The following TBL3 variants were observed in gnomAD, a reference collection of about 807,000 sequenced individuals.
TBL3 encodes the protein transducin beta-like protein 3.
A neutral mutation model predicts 102.7 loss-of-function variants in TBL3; 71 were observed. That is an observed-to-expected ratio of 0.69 (90% CI 0.57 to 0.84). The LOEUF is 0.84. Ranked by LOEUF, TBL3 falls within the 40% of genes least tolerant of loss-of-function variation. TBL3 has a pLI of 0.00. For missense variants in TBL3, 1,188 were observed against 1,098.5 expected, an observed-to-expected ratio of 1.08 and a Z score of -1.15; for synonymous variants, 578 against 477.7, an observed-to-expected ratio of 1.21 and a Z score of -2.74.
rs1291848000 is a variant in TBL3, at chr16:1,974,825, C to G, written c.442C>G (p.Arg148Gly). The G allele has an allele frequency of 1.2e-6, 2 of 1,613,306 alleles. No individual in the cohort carries two copies. Among genetic ancestry groups the G allele is most frequent in the South Asian group, 2.2e-5 (2 of 91,086 alleles). Residue 148 changes from arginine (R) to glycine (G), a missense_variant, in exon 6 of 22, where the codon CGA becomes GGA. Coordinates refer to ENST00000568546, the MANE Select transcript of TBL3 (RefSeq NM_006453.3). ...IVRHYGTHHF[R>G]GSPGVVHLVA... ...GCGGCACTACGGGACACACCACTTC[C>G]GAGGCTCGCCCGGTGTCGTGCAGTG...
Position 1,975,642 on chromosome 16 carries a change from GTCC to G in TBL3, c.922_924del (p.Leu308del). ...CACCCTGGCACACACCGCCGGCGTG[GTCC>G]TCACCGCCACCGCCGACCACAACCT... On this transcript the variant is annotated inframe_deletion, in exon 10 of 22. Coordinates refer to ENST00000568546, the MANE Select transcript of TBL3 (RefSeq NM_006453.3). The G allele has an allele frequency of 6.2e-7, 1 of 1,605,690 alleles. No individual in the cohort carries two copies.
Position 1,979,812 on chromosome 16 carries a change from T to TC in TBL3, c.*1130dup. ...TACCGCTGCTCCCTAGGGACGGGCC[T>TC]CCCTCCCGGCCTTGGCCCGGGGCCG... On this transcript the variant is annotated 3_prime_UTR_variant, in exon 22 of 22. Transcript: ENST00000568546. 1.3e-6 allele frequency: 2 copies of TC among 1,561,608 alleles called. No homozygotes were observed. Among genetic ancestry groups the TC allele is most frequent in the Non-Finnish European group, 1.7e-6 (2 of 1,155,058 alleles).
rs769854630 is a variant in TBL3, at chr16:1,974,521, C to T, written c.238-17C>T. The T allele has an allele frequency of 1.9e-6, 3 of 1,597,224 alleles. No individual in the cohort carries two copies. The highest frequency in any genetic ancestry group is 2.6e-6 in the Non-Finnish European group (3 of 1,169,500). ...CAGGGTATTGCTGCCCCTCTGCTGA[C>T]CTGTACCCTCCCCCAGGTGCTGGTG... On this transcript the variant is annotated splice_polypyrimidine_tract_variant and intron_variant, in intron 4 of 21. Transcript: ENST00000568546.
At position 1,979,344 on chromosome 16, in the gene TBL3, C is replaced by A; in HGVS notation, c.*659C>A. On this transcript the variant is annotated 3_prime_UTR_variant, in exon 22 of 22. Transcript: ENST00000568546. ...CGCGGGGAGTAGGCCCGCCCGGTCG[C>A]CGTACCTGCGAGGGGCGGGGTGTGG... 6.3e-7 allele frequency: 1 copy of A among 1,578,622 alleles called. No homozygotes were observed. The highest frequency in any genetic ancestry group is 1.7e-5 in the Admixed American group (1 of 57,840).
rs533248826 is a variant in TBL3, at chr16:1,974,780, G to C, written c.397G>C (p.Val133Leu). 3 of 1,612,938 alleles carry C rather than the reference G, an allele frequency of 1.9e-6. No homozygotes were observed. Among genetic ancestry groups the C allele is most frequent in the East Asian group, 2.2e-5 (1 of 44,880 alleles). ...LLATGGCDGA[V>L]RVWDIVRHYG... ...CCCCGCAGGTGGCTGTGATGGGGCC[G>C]TGCGCGTCTGGGACATCGTGCGGCA... The change falls in exon 6 of 22, where the codon GTG becomes CTG. Residue 133 changes from valine (V) to leucine (L), a missense_variant. Physicochemically the swap from Val to Leu is conservative, Grantham distance 32. Transcript: ENST00000568546.
rs1449898283 is a variant in TBL3 at position 1,974,632 on chromosome 16, C to T, written c.332C>T (p.Pro111Leu). The T allele has an allele frequency of 2.5e-6, 4 of 1,610,134 alleles. No individual in the cohort carries two copies. Among genetic ancestry groups the T allele is most frequent in the Non-Finnish European group, 3.4e-6 (4 of 1,177,572 alleles). The change falls in exon 5 of 22, where the codon CCC becomes CTC. Residue 111 changes from proline (P) to leucine (L), a missense_variant. Transcript: ENST00000568546. The stretch of plus-strand genomic sequence containing the variant: ...CTGTGGAAGGCGATACACACGGCCC[C>T]CGTGGCCACCATGGCCTTCGACCCC... ...TRLWKAIHTA[P>L]VATMAFDPTS...
rs762487435 is a variant in TBL3, at chr16:1,979,842, C to T, written c.*1157C>T. On this transcript the variant is annotated 3_prime_UTR_variant, in exon 22 of 22. Coordinates refer to ENST00000568546, the MANE Select transcript of TBL3 (RefSeq NM_006453.3). ...CCCGGCCTTGGCCCGGGGCCGCCTCCTCCAGGTAGGGCGCTGGAAACCAGG... is the reference window on the plus strand; with the variant it reads ...CCCGGCCTTGGCCCGGGGCCGCCTCTTCCAGGTAGGGCGCTGGAAACCAGG... 4.4e-6 allele frequency: 7 copies of T among 1,578,912 alleles called. No homozygotes were observed. Among genetic ancestry groups the T allele is most frequent in the Non-Finnish European group, 6.0e-6 (7 of 1,163,722 alleles).
intron 4 of TBL3, 43 bp from the exon 5 acceptor site, chr16:1,974,495 G>A: frequency 1.3e-6 from 2 of 1,584,840 alleles, no homozygotes; most frequent in Middle Eastern, 1.7e-4. Flanking sequence ...GAAGATGTGA[G>A]CAGGGTATTG....
chr16:1,973,888 GC>G (rs914247210), intron 1 of TBL3, among the ~76,000 whole-genome samples, 167 bp from the exon 2 acceptor site: 1 of 152,194 alleles, frequency 6.6e-6, no homozygotes, highest in African/African-American at 2.4e-5. Context: ...GGTAGCTACA[GC>G]CCCCTGCAGT....
At chr16:1,973,384 C>G (rs2083374808) in intron 1 of TBL3, among the ~76,000 whole-genome samples, 1 of 152,074 alleles carries the variant, frequency 6.6e-6, no homozygotes, top group African/African-American at 2.4e-5. Flanking sequence ...GAGCTGAGAT[C>G]GTGCCACTGC....
In TBL3 at chr16:1,974,587, A is replaced by G. The variant is rs1334593417; in HGVS notation, c.287A>G (p.Gln96Arg). ...RALLLAQWAW[Q>R]EGSVTRLWKA... ...TTGCTGCTGGCTCAGTGGGCCTGGC[A>G]AGAGGGCAGCGTTACCCGCCTGTGG... The change falls in exon 5 of 22, where the codon CAA (glutamine) becomes CGA (arginine). Residue 96 changes from glutamine to arginine, a missense_variant. By Grantham distance (43) the Gln-to-Arg change is conservative. Transcript: ENST00000568546. 1 of 1,611,432 alleles carries G rather than the reference A, an allele frequency of 6.2e-7. No homozygotes were observed. The highest frequency in any genetic ancestry group is 1.1e-5 in the South Asian group (1 of 90,968).
At position 1,979,369 on chromosome 16, in the gene TBL3, G is replaced by C; in HGVS notation, c.*684G>C. 1 of 1,587,262 alleles carries C rather than the reference G, an allele frequency of 6.3e-7. No homozygotes were observed. The highest frequency in any genetic ancestry group is 8.5e-7 in the Non-Finnish European group (1 of 1,173,092). ...CCGTACCTGCGAGGGGCGGGGTGTG[G>C]TTAGGGCCCCGCCCGCCTCGGCTAG... On this transcript the variant is annotated 3_prime_UTR_variant, in exon 22 of 22. Transcript: ENST00000568546.
At position 1,981,842 on chromosome 16, in the gene TBL3, C is replaced by G. The variant is rs577371337; in HGVS notation, c.*3157C>G. On this transcript the variant is annotated 3_prime_UTR_variant, in exon 22 of 22. Coordinates refer to ENST00000568546, the MANE Select transcript of TBL3 (RefSeq NM_006453.3). ...GGGAGGGGCAGACCTCACAGGCTCA[C>G]CCCAGGGGTTCCCCTGCAGTGAGGA... The G allele has an allele frequency of 6.6e-6, 1 of 152,486 alleles. No individual in the cohort carries two copies. Among genetic ancestry groups the G allele is most frequent in the Non-Finnish European group, 1.5e-5 (1 of 68,286 alleles). 9.4% of individuals were successfully genotyped at this position (152,486 alleles called of 1,614,324 possible).
chr16:1,978,285 A>G (rs1383288790), intron 20 of TBL3, 28 bp from the exon 21 acceptor site: 25 of 1,611,016 alleles, frequency 1.6e-5, no homozygotes, highest in Middle Eastern at 3.3e-4. Flanking sequence ...TTGGCTGGGC[A>G]AGACGATGAG....
Position 1,980,477 on chromosome 16 carries a change from G to T in TBL3, c.*1792G>T. 1.2e-6 allele frequency: 2 copies of T among 1,602,558 alleles called. No individual in the cohort carries two copies. The highest frequency in any genetic ancestry group is 2.2e-5 in the South Asian group (2 of 91,060). On this transcript the variant is annotated 3_prime_UTR_variant, in exon 22 of 22. Transcript: ENST00000568546. ...CAGTCGCCAGCAGCCTCCGAGAATA[G>T]GTTTCCAACAGCTGCAGGCGCGCCA...
intron 4 of TBL3, 51 bp downstream of exon 4, chr16:1,974,474 A>T: frequency 6.3e-7 from 1 of 1,589,138 alleles, no homozygotes; most frequent in Non-Finnish European, 8.6e-7. Flanking sequence ...TCCCTCCCAG[A>T]CTGAGTCCAG....
rs1215764052 is a variant in TBL3, at chr16:1,981,389, C to CA, written c.*2705dup. The CA allele has an allele frequency of 1.5e-6, 2 of 1,294,638 alleles. No homozygotes were observed. Among genetic ancestry groups the CA allele is most frequent in the East Asian group, 5.1e-5 (2 of 39,190 alleles). The allele number at this position is 1,294,638 out of a possible 1,614,324, so 80.2% of individuals were successfully genotyped here. On this transcript the variant is annotated 3_prime_UTR_variant, in exon 22 of 22. Coordinates refer to ENST00000568546, the MANE Select transcript of TBL3 (RefSeq NM_006453.3). ...AGCCCACGATCTGGGGGCAGGAGCA[C>CA]AGGGATTGGGGGACTTCCAGGCAGA...
chr16:1,980,147 G>A lies in TBL3; in HGVS notation c.*1462G>A, dbSNP rs1473337313. The A allele has an allele frequency of 6.2e-7, 1 of 1,605,536 alleles. No homozygotes were observed. Among genetic ancestry groups the A allele is most frequent in the East Asian group, 2.2e-5 (1 of 44,634 alleles). On this transcript the variant is annotated 3_prime_UTR_variant, in exon 22 of 22. Transcript: ENST00000568546. ...GAGAGGCGGCCCGCAGCGCGAGAAAGAGGCTGCTCCTCTGGGGTGGGCAGG... is the reference window on the plus strand; with the variant it reads ...GAGAGGCGGCCCGCAGCGCGAGAAAAAGGCTGCTCCTCTGGGGTGGGCAGG...
rs540383397 is a variant in TBL3 at position 1,975,241 on chromosome 16, G to T, written c.690G>T (p.Thr230=). ...GGGACCTTCAGAGCTGCCAGGCCAC[G>T]AGGACCGTGCCTGTGTTTGAGGTGG... ...IIWDLQSCQA[T]RTVPVFESVE... The change falls in exon 8 of 22, where the codon ACG becomes ACT. Residue 230 remains threonine (T), a synonymous_variant. Transcript: ENST00000568546. The T allele has an allele frequency of 6.2e-7, 1 of 1,613,890 alleles. No homozygotes were observed. Among genetic ancestry groups the T allele is most frequent in the Non-Finnish European group, 8.5e-7 (1 of 1,180,020 alleles).
Sources: gnomAD v4.1 joint callset for allele counts (sites outside exome capture counted in the v4.1 genomes callset) on GRCh38, gnomAD v4.1.1 for gene constraint, MANE v1.5 for transcripts, NCBI Gene and HGNC (gene_info 2026-07-23, HGNC 2026-07-21) for gene names.